Variants in RMND5A observed in about 807,000 individuals in gnomAD.
RMND5A encodes required for meiotic nuclear division 5 homolog A, also known as E3 ubiquitin-protein transferase RMND5A.
Under a neutral mutation model 49.7 loss-of-function variants are expected in RMND5A, and 17 were observed. The ratio of observed to expected loss-of-function variants is 0.34; its 90% CI spans 0.23 to 0.51. The LOEUF is 0.51. RMND5A is among the 20% of genes least tolerant of loss of function. The pLI is 0.96. For synonymous variants in RMND5A, 156 were observed against 167.7 expected, an observed-to-expected ratio of 0.93 and a Z score of 0.54; for missense variants, 255 against 471.3, an observed-to-expected ratio of 0.54 and a Z score of 4.25.
chr2:86,721,866 T>C (rs1681232550), intron 1 of RMND5A, among the ~76,000 whole-genome samples: 1 of 141,536 alleles, frequency 7.1e-6, no homozygotes, highest in Admixed American at 7.1e-5. Flanking sequence ...TAGCTGAGTG[T>C]CTCTCTCCTT....
intron 2 of RMND5A, among the ~76,000 whole-genome samples, chr2:86,751,081 C>T (rs1023650813): frequency 2.6e-5 from 4 of 152,142 alleles, no homozygotes; most frequent in Non-Finnish European, 4.4e-5. Flanking sequence ...AGTAATTTTG[C>T]AGTATCTTGA....
At chr2:86,722,010 C>T (rs1255164961) in intron 1 of RMND5A, among the ~76,000 whole-genome samples, 1 of 98,242 alleles carries the variant, frequency 1.0e-5, no homozygotes, top group Non-Finnish European at 1.9e-5. Flanking sequence ...AGGAAGCAAA[C>T]CTGCAGTCAT....
intron 4 of RMND5A, among the ~76,000 whole-genome samples, chr2:86,756,060 C>T (rs1444776842): frequency 6.6e-6 from 1 of 151,902 alleles, no homozygotes; most frequent in African/African-American, 2.4e-5. Context: ...CATAATAGTC[C>T]CCCAGTATTC....
At chr2:86,771,782 G>A (rs1672689390) in intron 8 of RMND5A, 70 bp downstream of exon 8, 6 of 1,280,784 alleles carry the variant, frequency 4.7e-6, no homozygotes, top group African/African-American at 1.5e-5. Flanking sequence ...AGGATAAGAA[G>A]TGATGAGGAT....
rs994206015 is a variant in RMND5A at position 86,776,292 on chromosome 2, A to G, written c.*2881A>G. The G allele has an allele frequency of 1.3e-5, 2 of 152,220 alleles. No homozygotes were observed. Among genetic ancestry groups the G allele is most frequent in the African/African-American group, 4.8e-5 (2 of 41,462 alleles). 9.4% of individuals were successfully genotyped at this position (152,220 alleles called of 1,614,324 possible). ...ATTATACGAGACTTCTAATACATAAATGAACGGGTATTGGTGCCTCTTTAT... is the reference window on the plus strand; with the variant it reads ...ATTATACGAGACTTCTAATACATAAGTGAACGGGTATTGGTGCCTCTTTAT... On this transcript the variant is annotated 3_prime_UTR_variant, in exon 9 of 9. Transcript: ENST00000283632.
At position 86,751,504 on chromosome 2, in the gene RMND5A, T is replaced by C. The variant is rs572799846; in HGVS notation, c.286-392T>C. Among the ~76,000 whole-genome samples, 4 of 152,340 alleles carry C rather than the reference T, an allele frequency of 2.6e-5. No homozygotes were observed. In the South Asian group the frequency reaches 6.2e-4, roughly 24 times the overall value. On this transcript the variant is annotated intron_variant, in intron 2 of 8. Transcript: ENST00000283632. The stretch of plus-strand genomic sequence containing the variant: ...TGTTGGGATGTGCCATGGATTATTA[T>C]GTTGATAGGCATATGTGTTTTCTCC...
In RMND5A at chr2:86,720,309, G is replaced by C. The variant is rs1438752020; in HGVS notation, c.-359G>C. On this transcript the variant is annotated 5_prime_UTR_variant, in exon 1 of 9. Coordinates refer to ENST00000283632, the MANE Select transcript of RMND5A (RefSeq NM_022780.4). ...CATCCCCCTCCCCCCAGTCGGCGGCGCTTGGTGCCGCCCGGGAGAACCAGG... is the reference window on the plus strand; with the variant it reads ...CATCCCCCTCCCCCCAGTCGGCGGCCCTTGGTGCCGCCCGGGAGAACCAGG... 1 of 152,366 alleles carries C rather than the reference G, an allele frequency of 6.6e-6. No homozygotes were observed. Among genetic ancestry groups the C allele is most frequent in the Admixed American group, 6.6e-5 (1 of 15,262 alleles). The allele number at this position is 152,366 out of a possible 1,614,324, so 9.4% of individuals were successfully genotyped here. A position where few individuals can be genotyped will look rare whatever the true frequency, so the allele number is the denominator to read the frequency against.
At chr2:86,765,497 A>G (rs1258376298) in intron 5 of RMND5A, 5 of 355,734 alleles carry the variant, frequency 1.4e-5, no homozygotes, top group Non-Finnish European at 2.5e-5. Context: ...TGCCACAGCA[A>G]AGTGTCAGAG....
chr2:86,725,917 C>T (rs1681280706), intron 1 of RMND5A, among the ~76,000 whole-genome samples: 1 of 78,064 alleles, frequency 1.3e-5, no homozygotes, highest in Non-Finnish European at 2.7e-5. Flanking sequence ...AGTAGTAAAA[C>T]TCATGTAAAC....
chr2:86,757,174 C>CA lies in RMND5A; in HGVS notation c.521+3649dup, dbSNP rs60710494. 1.3e-3 allele frequency among the ~76,000 whole-genome samples: 128 copies of CA among 97,892 alleles called. 2 individuals carry two copies. The highest frequency in any genetic ancestry group is 1.8e-3 in the Admixed American group (16 of 8,964). 64.2% of individuals were successfully genotyped at this position (97,892 alleles called of 152,430 possible). ...GGGCAACAAGAGTGAAACTCAGTCTCAAAAAAAAAAAAAAAAAAAAAAAAA... is the reference window on the plus strand; with the variant it reads ...GGGCAACAAGAGTGAAACTCAGTCTCAAAAAAAAAAAAAAAAAAAAAAAAAA... On this transcript the variant is annotated intron_variant, in intron 4 of 8. Transcript: ENST00000283632.
intron 2 of RMND5A, among the ~76,000 whole-genome samples, chr2:86,746,809 G>T (rs1164483418): frequency 1.3e-5 from 2 of 152,326 alleles, no homozygotes; most frequent in Non-Finnish European, 2.9e-5. Context: ...TGGCAGAGTG[G>T]TTTGGCACGT....
intron 8 of RMND5A, among the ~76,000 whole-genome samples, 168 bp downstream of exon 8, chr2:86,771,880 ATG>A (rs1672690735): frequency 6.6e-6 from 1 of 152,190 alleles, no homozygotes; most frequent in Non-Finnish European, 1.5e-5. Context: ...AGTATTTTTA[ATG>A]TGTCTATGGA....
In RMND5A at chr2:86,777,445, C is replaced by T. The variant is rs1220830931; in HGVS notation, c.*4034C>T. 6.6e-6 allele frequency: 1 copy of T among 152,048 alleles called. No individual in the cohort carries two copies. The highest frequency in any genetic ancestry group is 1.5e-5 in the Non-Finnish European group (1 of 68,006). 9.4% of individuals were successfully genotyped at this position (152,048 alleles called of 1,614,324 possible). A position where few individuals can be genotyped will look rare whatever the true frequency, so the allele number is the denominator to read the frequency against. ...TGCATGTGTCTGAAGTTCACCATTG[C>T]CCCCACCTGCACCTAGCAAGGAACA... On this transcript the variant is annotated 3_prime_UTR_variant, in exon 9 of 9. Coordinates refer to ENST00000283632, the MANE Select transcript of RMND5A (RefSeq NM_022780.4).
At chr2:86,748,501 G>A (rs1681577735) in intron 2 of RMND5A, 1 of 152,126 alleles carries the variant, frequency 6.6e-6, no homozygotes, top group Non-Finnish European at 1.5e-5. Context: ...GTGTAAGGGT[G>A]TTTGACTTTT....
intron 2 of RMND5A, among the ~76,000 whole-genome samples, chr2:86,747,935 C>T (rs982427693): frequency 3.3e-5 from 5 of 152,256 alleles, no homozygotes; most frequent in Non-Finnish European, 4.4e-5. Flanking sequence ...ACATCCTCTC[C>T]GGATGGACAC....
chr2:86,745,905 C>G (rs574917325), intron 2 of RMND5A, among the ~76,000 whole-genome samples: 27 of 152,078 alleles, frequency 1.8e-4, no homozygotes, highest in Non-Finnish European at 7.4e-5. Flanking sequence ...CTGTGCTGTA[C>G]TAGGAAATCA....
Position 86,770,033 on chromosome 2 carries a change from G to A in RMND5A, c.865G>A (p.Gly289Ser). The part of the protein sequence containing the change: ...ESPLSVSFSA[G>S]CVALPALINI... ...CTTCTGCTCTCCCAGTTTCTCAGCA[G>A]GTTGTGTGGCGCTGCCAGCTTTAAT... Residue 289 changes from glycine to serine, a missense_variant, in exon 7 of 9, where the codon GGT becomes AGT. Coordinates refer to ENST00000283632, the MANE Select transcript of RMND5A (RefSeq NM_022780.4). 6.2e-7 allele frequency: 1 copy of A among 1,613,736 alleles called. No individual in the cohort carries two copies. Among genetic ancestry groups the A allele is most frequent in the East Asian group, 2.2e-5 (1 of 44,884 alleles).
Position 86,751,930 on chromosome 2 carries a change from A to G in RMND5A, c.320A>G (p.Asp107Gly). The G allele has an allele frequency of 6.2e-7, 1 of 1,613,672 alleles. No individual in the cohort carries two copies. The highest frequency in any genetic ancestry group is 8.5e-7 in the Non-Finnish European group (1 of 1,179,680). Residue 107 changes from aspartate (D) to glycine (G), a missense_variant, in exon 3 of 9, where the codon GAT (aspartate) becomes GGT (glycine). By Grantham distance (94) the Asp-to-Gly change is moderately conservative. Coordinates refer to ENST00000283632, the MANE Select transcript of RMND5A (RefSeq NM_022780.4). ...FDSDISSVGI[D>G]GCWQADSQRL... ...TCTGACATTAGCAGTGTGGGAATAG[A>G]TGGCTGCTGGCAGGCAGACAGCCAA...
intron 1 of RMND5A, among the ~76,000 whole-genome samples, chr2:86,729,498 T>A: frequency 6.9e-6 from 1 of 144,386 alleles, no homozygotes; most frequent in African/African-American, 2.6e-5. Context: ...TGGCATTTTT[T>A]AACAAACACA....
Sources: allele counts gnomAD v4.1 joint callset (sites outside exome capture counted in the v4.1 genomes callset), GRCh38; gene constraint gnomAD v4.1.1; transcripts MANE v1.5; gene names NCBI Gene and HGNC (gene_info 2026-07-23, HGNC 2026-07-21).